AATK: variants seen among roughly 807,000 people sequenced by gnomAD.
AATK encodes the protein serine/threonine-protein kinase LMTK1.
A neutral mutation model predicts 114.3 loss-of-function variants in AATK; 91 were observed. The observed-to-expected ratio is 0.80, with a 90% confidence interval of 0.67 to 0.95. The LOEUF (loss-of-function observed/expected upper bound fraction) is 0.95. AATK is among the 40% of genes least tolerant of loss of function. The pLI, the probability that AATK is intolerant of heterozygous loss-of-function variation, is 0.00. For synonymous variants in AATK, 1,075 were observed against 916.5 expected (o/e 1.17, Z -3.12); for missense variants, 2,176 against 1,965.2 (o/e 1.11, Z -2.03).
At chr17:81,160,738 C>T (rs1382004893) in intron 1 of AATK, among the ~76,000 whole-genome samples, 4 of 152,358 alleles carry the variant, frequency 2.6e-5, no homozygotes, top group African/African-American at 4.8e-5. Flanking sequence ...GTGGGCCTCC[C>T]GTCAGCCTTG....
rs1311294547 is a variant in AATK, at chr17:81,140,854, G to A, written c.56-6353C>T. On this transcript the variant is annotated intron_variant, in intron 1 of 13. Coordinates refer to ENST00000326724, the MANE Select transcript of AATK (RefSeq NM_001080395.3). ...AGACCGTGGGGCCGTGAGCCGTGGG[G>A]CTGTGGGGCCGTGAGCCGTGGGGCC... 9.8e-5 allele frequency among the ~76,000 whole-genome samples: 9 copies of A among 91,508 alleles called. 1 individual carries two copies. The highest frequency in any genetic ancestry group is 4.4e-4 in the African/African-American group (9 of 20,236). 60.0% of individuals were successfully genotyped at this position (91,508 alleles called of 152,430 possible). A position where few individuals can be genotyped will look rare whatever the true frequency, so the allele number is the denominator to read the frequency against.
intron 2 of AATK, chr17:81,131,792 A>G: frequency 1.6e-6 from 2 of 1,255,748 alleles, no homozygotes; most frequent in Non-Finnish European, 2.1e-6. Flanking sequence ...CCTGCCCCAC[A>G]GTCCTGTGGG....
chr17:81,164,764 G>T (rs1456932642), intron 1 of AATK, among the ~76,000 whole-genome samples: 2 of 152,166 alleles, frequency 1.3e-5, no homozygotes, highest in African/African-American at 4.8e-5. Context: ...AGCTGTTGCC[G>T]TGGCTGTTGG....
At chr17:81,138,384 C>T (rs111211145) in intron 1 of AATK, among the ~76,000 whole-genome samples, 2 of 150,006 alleles carry the variant, frequency 1.3e-5, no homozygotes, top group African/African-American at 4.9e-5. Flanking sequence ...CACACGGGCA[C>T]ACGTGCACAC....
Position 81,126,793 on chromosome 17 carries a change from C to T in AATK, c.622-233G>A. 7.3e-7 allele frequency: 1 copy of T among 1,375,818 alleles called. No individual in the cohort carries two copies. Among genetic ancestry groups the T allele is most frequent in the East Asian group, 2.6e-5 (1 of 37,944 alleles). 85.2% of individuals were successfully genotyped at this position (1,375,818 alleles called of 1,614,324 possible). A position where few individuals can be genotyped will look rare whatever the true frequency, so the allele number is the denominator to read the frequency against. On this transcript the variant is annotated intron_variant, in intron 6 of 13. Transcript: ENST00000326724. This position sits in a 1 kb window ranked among gnomAD's most constrained non-coding sequence, Gnocchi z 5.1. ...TTCCTCTCCACTGCCCCTCAGCCAG[C>T]CCCGGGCAGCAGGAGTCCCTTGGCC...
chr17:81,118,828 G>A (rs1477997336), intron 13 of AATK, among the ~76,000 whole-genome samples: 1 of 152,228 alleles, frequency 6.6e-6, no homozygotes, highest in Non-Finnish European at 1.5e-5. Flanking sequence ...GACAGCTAGG[G>A]AAGAGGAAGC....
chr17:81,119,123 C>T (rs2060628296), intron 13 of AATK, among the ~76,000 whole-genome samples: 1 of 146,694 alleles, frequency 6.8e-6, no homozygotes, highest in Non-Finnish European at 1.5e-5. Flanking sequence ...GAGCCGAGTG[C>T]AGGGGCCAGG....
intron 2 of AATK, chr17:81,132,113 G>T: frequency 2.0e-6 from 2 of 1,008,946 alleles, no homozygotes; most frequent in Non-Finnish European, 2.6e-6. Context: ...GAGAGCCAAA[G>T]TCTCCAAAGT....
Position 81,121,225 on chromosome 17 carries a change from T to G in AATK, c.2711A>C (p.Asp904Ala). Residue 904 changes from aspartate (D) to alanine (A), a missense_variant, in exon 11 of 14, where the codon GAC becomes GCC. Physicochemically the swap from Asp to Ala is moderately radical, Grantham distance 126. This residue lies in a region of AATK where 1,701 missense variants were observed against 1,394.7 expected (regional missense o/e 1.22). Coordinates refer to ENST00000326724, the MANE Select transcript of AATK (RefSeq NM_001080395.3). Reference protein sequence around the residue: ...QKQVGTPDSLDSLDIPSSASD... With the variant: ...QKQVGTPDSLASLDIPSSASD... The stretch of plus-strand genomic sequence containing the variant: ...GGCTGAGGACGGGATGTCCAGGGAG[T>G]CCAGGGAGTCGGGGGTCCCCACCTG... The G allele has an allele frequency of 6.2e-7, 1 of 1,605,566 alleles. No individual in the cohort carries two copies. Among genetic ancestry groups the G allele is most frequent in the Non-Finnish European group, 8.5e-7 (1 of 1,176,614 alleles).
intron 1 of AATK, among the ~76,000 whole-genome samples, chr17:81,150,108 G>A (rs953345894): frequency 2.0e-5 from 3 of 152,102 alleles, no homozygotes; most frequent in African/African-American, 7.2e-5. Context: ...GCTGAGGGGA[G>A]GGGGATGGGG....
At chr17:81,118,970 G>C (rs539480757) in intron 13 of AATK, among the ~76,000 whole-genome samples, 2 of 152,214 alleles carry the variant, frequency 1.3e-5, no homozygotes, top group East Asian at 3.8e-4. Flanking sequence ...GGCCGGGAGC[G>C]GTGGCTCAGG....
chr17:81,121,014 C>T lies in AATK; in HGVS notation c.2922G>A (p.Gly974=). 1 of 1,610,210 alleles carries T rather than the reference C, an allele frequency of 6.2e-7. No homozygotes were observed. The highest frequency in any genetic ancestry group is 8.5e-7 in the Non-Finnish European group (1 of 1,178,922). The change falls in exon 11 of 14, where the codon GGG becomes GGA. Residue 974 remains glycine (G), a synonymous_variant. Transcript: ENST00000326724. ...AELASEGEGP[G]PETRLSTSLS... is the part of the protein sequence containing the mutation. ...GGGAGGTGGAGAGCCGTGTCTCGGGCCCGGGGCCCTCACCCTCTGAGGCCA... is the reference window on the plus strand; with the variant it reads ...GGGAGGTGGAGAGCCGTGTCTCGGGTCCGGGGCCCTCACCCTCTGAGGCCA...
intron 1 of AATK, among the ~76,000 whole-genome samples, chr17:81,159,390 C>T (rs1337414414): frequency 4.6e-5 from 7 of 152,080 alleles, no homozygotes; most frequent in African/African-American, 1.4e-4. Flanking sequence ...CGGGGACTCT[C>T]GGGGGCTGGG....
intron 1 of AATK, among the ~76,000 whole-genome samples, chr17:81,137,757 TACA>T (rs1052611351): frequency 5.9e-5 from 9 of 151,560 alleles, no homozygotes; most frequent in Non-Finnish European, 1.2e-4. Context: ...GTAGCATGCA[TACA>T]ACCATACGTG....
chr17:81,125,248 G>T (rs747701156), intron 7 of AATK: 1 of 721,228 alleles, frequency 1.4e-6, no homozygotes, highest in South Asian at 1.5e-5. Context: ...GGGAGGGACT[G>T]TGTGCGTGGG....
chr17:81,122,003 T>C lies in AATK; in HGVS notation c.1933A>G (p.Thr645Ala), dbSNP rs2060705799. 4 of 1,601,812 alleles carry C rather than the reference T, an allele frequency of 2.5e-6. No individual in the cohort carries two copies. Among genetic ancestry groups the C allele is most frequent in the African/African-American group, 2.7e-5 (2 of 75,040 alleles). The change falls in exon 11 of 14, where the codon ACG becomes GCG. Residue 645 changes from threonine (T) to alanine (A), a missense_variant. Physicochemically the swap from Thr to Ala is moderately conservative, Grantham distance 58 (BLOSUM62 0). Around this residue, in one of 4 missense-constraint regions of AATK, gnomAD observed 1,701 missense variants for 1,394.7 expected, o/e 1.22. Coordinates refer to ENST00000326724, the MANE Select transcript of AATK (RefSeq NM_001080395.3). ...CPAFFEDPLGTSPLGSSGAPP... is the reference protein window; with the variant it reads ...CPAFFEDPLGASPLGSSGAPP... ...GCCCCTGAGCTCCCCAAAGGGGACG[T>C]GCCCAGTGGGTCCTCGAAGAAGGCA...
chr17:81,157,342 G>A (rs1471563795), intron 1 of AATK, among the ~76,000 whole-genome samples: 3 of 152,156 alleles, frequency 2.0e-5, no homozygotes, highest in South Asian at 2.1e-4. Context: ...GCACACGCTC[G>A]CCTCCAACCT....
chr17:81,135,676 G>A (rs2060998796), intron 1 of AATK: 2 of 152,312 alleles, frequency 1.3e-5, no homozygotes, highest in Admixed American at 6.5e-5. Flanking sequence ...CAGGGCTGCA[G>A]GCTAATGGGG....
intron 1 of AATK, among the ~76,000 whole-genome samples, chr17:81,147,327 C>T (rs2061235240): frequency 6.8e-6 from 1 of 147,360 alleles, no homozygotes; most frequent in Non-Finnish European, 1.5e-5. Flanking sequence ...CACCACTGCA[C>T]TCCAGCCTGG....
Sources: allele counts gnomAD v4.1 joint callset (sites outside exome capture counted in the v4.1 genomes callset), GRCh38; gene constraint gnomAD v4.1.1; regional missense constraint gnomAD v4.1.1; non-coding constraint Gnocchi (gnomAD v3.1); transcripts MANE v1.5; gene names NCBI Gene and HGNC (gene_info 2026-07-23, HGNC 2026-07-21).